Variants in PDE2A observed in about 807,000 individuals in gnomAD.
The protein encoded by PDE2A is cGMP-dependent 3',5'-cyclic phosphodiesterase.
Under a neutral mutation model 133.6 loss-of-function variants are expected in PDE2A, and 53 were observed. The observed-to-expected ratio is 0.40, with a 90% CI of 0.32 to 0.50. The LOEUF (loss-of-function observed/expected upper bound fraction) is 0.50. PDE2A is among the 20% of genes least tolerant of loss of function. PDE2A has a pLI of 0.73. For missense variants in PDE2A, 796 were observed against 1,232.4 expected (o/e 0.65, Z 5.30); for synonymous variants, 491 against 490.2 (o/e 1.00, Z -0.02).
chr11:72,624,083 C>T (rs1021513527), intron 2 of PDE2A, among the ~76,000 whole-genome samples: 1 of 151,992 alleles, frequency 6.6e-6, no homozygotes, highest in Admixed American at 6.5e-5. Context: ...CCTCTGCCCC[C>T]TGGGTTCAAG....
chr11:72,606,411 G>A (rs1856974471), intron 3 of PDE2A, among the ~76,000 whole-genome samples: 1 of 152,200 alleles, frequency 6.6e-6, no homozygotes, highest in Admixed American at 6.5e-5. Flanking sequence ...CCATGACTCT[G>A]AGAGCGTCCA....
intron 6 of PDE2A, among the ~76,000 whole-genome samples, chr11:72,594,641 G>A (rs1228210772): frequency 6.6e-6 from 1 of 152,088 alleles, no homozygotes; most frequent in African/African-American, 2.4e-5. Flanking sequence ...TCAACAGCAT[G>A]CACCCCTACT....
At chr11:72,603,302 A>C (rs1409387065) in intron 4 of PDE2A, among the ~76,000 whole-genome samples, 1 of 149,970 alleles carries the variant, frequency 6.7e-6, no homozygotes, top group African/African-American at 2.5e-5. Flanking sequence ...TTTTTTTGGT[A>C]TTTTTTCCAA....
Position 72,580,941 on chromosome 11 carries a change from C to G in PDE2A, c.2078G>C (p.Cys693Ser), listed in dbSNP as rs1855697566. 1.9e-6 allele frequency: 3 copies of G among 1,613,358 alleles called. No individual in the cohort carries two copies. The highest frequency in any genetic ancestry group is 2.5e-6 in the Non-Finnish European group (3 of 1,179,598). ...DIEIFALFIS[C>S]MCHDLDHRGT... ...TCTGTGGTCCAGGTCATGACACATG[C>G]AGGAAATAAACAAGGCAAAGATCTC... The change falls in exon 24 of 31, where the codon TGC (cysteine) becomes TCC (serine). Residue 693 changes from cysteine (C) to serine (S), a missense_variant. Physicochemically the swap from Cys to Ser is moderately radical, Grantham distance 112. Coordinates refer to ENST00000334456, the MANE Select transcript of PDE2A (RefSeq NM_002599.5).
intron 4 of PDE2A, among the ~76,000 whole-genome samples, chr11:72,599,408 T>C (rs1226283014): frequency 6.6e-6 from 1 of 151,838 alleles, no homozygotes; most frequent in East Asian, 1.9e-4. Context: ...TGAATTATTA[T>C]CTCCACTCCC....
intron 2 of PDE2A, among the ~76,000 whole-genome samples, chr11:72,636,990 C>A (rs1014297282): frequency 2.4e-4 from 37 of 152,220 alleles, no homozygotes; most frequent in Admixed American, 2.4e-3. Flanking sequence ...CGGACCCAGC[C>A]GGCTGGCACC....
intron 2 of PDE2A, 65 bp from the exon 3 acceptor site, chr11:72,608,816 A>G (rs1391387656): frequency 1.2e-5 from 10 of 866,170 alleles, no homozygotes; most frequent in South Asian, 1.1e-4. Context: ...CATCTGCCCA[A>G]AGGACTGTGA....
At chr11:72,591,067 C>T (rs961246489) in intron 7 of PDE2A, 1 of 519,040 alleles carries the variant, frequency 1.9e-6, no homozygotes. Flanking sequence ...GATATTTGAC[C>T]AGTTTTGTTT....
chr11:72,582,934 C>G (rs955956038), intron 20 of PDE2A, among the ~76,000 whole-genome samples: 2 of 152,162 alleles, frequency 1.3e-5, no homozygotes, highest in Non-Finnish European at 2.9e-5. Flanking sequence ...AGTTTTGATC[C>G]AACTCACAAG....
intron 4 of PDE2A, among the ~76,000 whole-genome samples, chr11:72,604,613 T>C (rs182016593): frequency 1.0e-3 from 158 of 152,342 alleles, no homozygotes; most frequent in Middle Eastern, 3.4e-3. Context: ...ACAGAGAGGT[T>C]GTGTCATTTG....
rs1855558110 is a variant in PDE2A, at chr11:72,578,360, G to A, written c.2509-21C>T. On this transcript the variant is annotated intron_variant, in intron 29 of 30. Coordinates refer to ENST00000334456, the MANE Select transcript of PDE2A (RefSeq NM_002599.5). This position sits in a 1 kb window ranked among gnomAD's most constrained non-coding sequence, Gnocchi z 4.2. ...TTCTCCTGCAGGCATCGAGTCGTCA[G>A]GCCTGTCCCTCTCATTCCTCCATCG... The A allele has an allele frequency of 1.3e-6, 2 of 1,592,458 alleles. No homozygotes were observed. Among genetic ancestry groups the A allele is most frequent in the Non-Finnish European group, 1.7e-6 (2 of 1,160,328 alleles).
At chr11:72,623,029 T>TA (rs1241921593) in intron 2 of PDE2A, among the ~76,000 whole-genome samples, 1 of 151,998 alleles carries the variant, frequency 6.6e-6, no homozygotes, top group Non-Finnish European at 1.5e-5. Flanking sequence ...TCACCCATAA[T>TA]AAAAAAATGT....
chr11:72,670,660 G>C (rs558449632), intron 1 of PDE2A, among the ~76,000 whole-genome samples: 2 of 152,236 alleles, frequency 1.3e-5, no homozygotes, highest in South Asian at 2.1e-4. Flanking sequence ...GTTAATAAAG[G>C]CTGCGCATTT....
At chr11:72,664,079 C>T (rs1469248918) in intron 1 of PDE2A, among the ~76,000 whole-genome samples, 1 of 152,196 alleles carries the variant, frequency 6.6e-6, no homozygotes, top group Non-Finnish European at 1.5e-5. Context: ...TATTCACCCC[C>T]TCACCCACCT....
intron 2 of PDE2A, among the ~76,000 whole-genome samples, chr11:72,640,856 C>A (rs531417303): frequency 6.6e-5 from 10 of 152,194 alleles, no homozygotes; most frequent in Non-Finnish European, 1.5e-4. Flanking sequence ...AACAGCCACA[C>A]ACCCAGCTAC....
intron 2 of PDE2A, among the ~76,000 whole-genome samples, chr11:72,609,327 G>A (rs1276153529): frequency 6.6e-6 from 1 of 152,258 alleles, no homozygotes; most frequent in Non-Finnish European, 1.5e-5. Flanking sequence ...GCCCAACACA[G>A]AGTAGATGCT....
intron 2 of PDE2A, among the ~76,000 whole-genome samples, chr11:72,619,360 C>G (rs955969103): frequency 1.6e-4 from 25 of 152,210 alleles, no homozygotes; most frequent in African/African-American, 5.8e-4. Context: ...ATGTGTGCAG[C>G]CTGCCCATTA....
At chr11:72,631,380 C>T (rs1858374241) in intron 2 of PDE2A, among the ~76,000 whole-genome samples, 1 of 152,160 alleles carries the variant, frequency 6.6e-6, no homozygotes, top group Non-Finnish European at 1.5e-5. Flanking sequence ...TCCTTCTTTC[C>T]ACCTAGGGCT....
rs749327194 is a variant in PDE2A at position 72,635,959 on chromosome 11, C to T, written c.144+6295G>A. Reference sequence around the variant, plus strand: ...ACCTTCCCGCTCCCCCTCCACACCACGAGATCTCAGCCCCTCTTACCCTGA... The same window carrying T: ...ACCTTCCCGCTCCCCCTCCACACCATGAGATCTCAGCCCCTCTTACCCTGA... On this transcript the variant is annotated intron_variant, in intron 2 of 30. Transcript: ENST00000334456. 15 of 1,200,256 alleles carry T rather than the reference C, an allele frequency of 1.2e-5. No individual in the cohort carries two copies. The African/African-American group carries it at 1.5e-4, about 12-fold the overall frequency. 74.4% of individuals were successfully genotyped at this position (1,200,256 alleles called of 1,614,324 possible).
Sources: gnomAD v4.1 joint callset for allele counts (sites outside exome capture counted in the v4.1 genomes callset) on GRCh38, gnomAD v4.1.1 for gene constraint, Gnocchi (gnomAD v3.1) non-coding constraint, MANE v1.5 for transcripts, NCBI Gene and HGNC (gene_info 2026-07-23, HGNC 2026-07-21) for gene names.